The following CNBD2 variants were observed in gnomAD, a reference collection of about 807,000 sequenced individuals.
The protein encoded by CNBD2 is cyclic nucleotide binding domain containing 2.
CNBD2 carries 64 observed loss-of-function variants against 63.7 expected under a neutral mutation model. The ratio of observed to expected loss-of-function variants is 1.00; its 90% CI spans 0.82 to 1.24. The LOEUF (loss-of-function observed/expected upper bound fraction) is 1.24, where lower values mean the gene tolerates loss of function less well. Ranked by LOEUF, CNBD2 falls within the 50% of genes most tolerant of loss-of-function variation. The pLI is 0.00. For synonymous variants in CNBD2, 229 were observed against 255.4 expected (o/e 0.90, Z 0.99); for missense variants, 691 against 713.5 (o/e 0.97, Z 0.36).
intron 8 of CNBD2, among the ~76,000 whole-genome samples, chr20:35,995,967 C>T (rs1381387868): frequency 1.3e-5 from 2 of 152,142 alleles, no homozygotes; most frequent in African/African-American, 4.8e-5. Flanking sequence ...GGTGGGGACT[C>T]TTCAGAGTCC....
chr20:35,970,834 G>A (rs919862362), intron 1 of CNBD2, among the ~76,000 whole-genome samples: 1 of 152,228 alleles, frequency 6.6e-6, no homozygotes, highest in African/African-American at 2.4e-5. Flanking sequence ...TTCTGCCTCG[G>A]CCTCCCGAGT....
At chr20:35,988,128 C>T (rs1390686005) in intron 7 of CNBD2, among the ~76,000 whole-genome samples, 2 of 152,016 alleles carry the variant, frequency 1.3e-5, no homozygotes, top group Admixed American at 6.6e-5. Flanking sequence ...CCTCGGCCTC[C>T]CAAAGTGCTG....
At chr20:35,998,607 G>A (rs1234742852) in intron 8 of CNBD2, among the ~76,000 whole-genome samples, 2 of 151,900 alleles carry the variant, frequency 1.3e-5, no homozygotes, top group Non-Finnish European at 2.9e-5. Flanking sequence ...GGTGGTTCAC[G>A]CGTGTAATCC....
upstream of CNBD2, among the ~76,000 whole-genome samples, chr20:35,965,007 A>G (rs942226730): frequency 6.6e-6 from 1 of 151,968 alleles, no homozygotes; most frequent in African/African-American, 2.4e-5. Flanking sequence ...GGCCTCATAT[A>G]TCTTTCATAG....
chr20:35,971,463 T>C (rs1175913308), intron 1 of CNBD2, among the ~76,000 whole-genome samples: 1 of 152,170 alleles, frequency 6.6e-6, no homozygotes, highest in East Asian at 1.9e-4. Context: ...TCACCCAGGC[T>C]GTAGTGCAGA....
intron 8 of CNBD2, among the ~76,000 whole-genome samples, chr20:36,004,069 G>A (rs1013540171): frequency 6.6e-6 from 1 of 152,118 alleles, no homozygotes; most frequent in Non-Finnish European, 1.5e-5. Flanking sequence ...CAGAGAACAT[G>A]CCCAAGATGG....
At chr20:36,026,489 G>A (rs1426883729) in intron 11 of CNBD2, among the ~76,000 whole-genome samples, 1 of 151,994 alleles carries the variant, frequency 6.6e-6, no homozygotes, top group Non-Finnish European at 1.5e-5. Context: ...ACCTTTCAAT[G>A]GTATCTCACT....
downstream of CNBD2, chr20:35,957,665 A>G (rs1197187580): frequency 6.6e-6 from 1 of 152,212 alleles, no homozygotes; most frequent in African/African-American, 2.4e-5. Context: ...CCCTCCCAGA[A>G]GTCCCAGATT....
chr20:35,995,410 C>CT (rs1270348880), intron 8 of CNBD2, among the ~76,000 whole-genome samples: 1 of 152,040 alleles, frequency 6.6e-6, no homozygotes, highest in African/African-American at 2.4e-5. Flanking sequence ...ATCCCCCACC[C>CT]TTTTTTTCAC....
intron 7 of CNBD2, among the ~76,000 whole-genome samples, chr20:35,988,685 G>A (rs1422448068): frequency 6.6e-6 from 1 of 152,198 alleles, no homozygotes; most frequent in African/African-American, 2.4e-5. Flanking sequence ...GCCAGAGACA[G>A]AGATTGGACT....
At chr20:35,954,860 G>T (rs1001734465) in exon 1 of CNBD2, 1 of 304,590 alleles carries the variant, frequency 3.3e-6, no homozygotes, top group African/African-American at 2.3e-5. Flanking sequence ...GGGCTCGTTC[G>T]AGTGGCGCCC....
At chr20:36,019,382 G>C (rs1265907417) in intron 10 of CNBD2, among the ~76,000 whole-genome samples, 2 of 151,938 alleles carry the variant, frequency 1.3e-5, no homozygotes, top group Non-Finnish European at 2.9e-5. Flanking sequence ...AATTAGCCGG[G>C]TGTGGTGGTG....
At chr20:36,020,520 G>A (rs560767907) in intron 10 of CNBD2, among the ~76,000 whole-genome samples, 2 of 152,276 alleles carry the variant, frequency 1.3e-5, no homozygotes, top group Non-Finnish European at 2.9e-5. Flanking sequence ...TTTAGTGAGT[G>A]CTCAATAAAT....
intron 3 of CNBD2, among the ~76,000 whole-genome samples, chr20:35,976,677 C>G (rs1017931471): frequency 2.0e-5 from 3 of 152,148 alleles, no homozygotes; most frequent in African/African-American, 7.2e-5. Context: ...GAATTTCAAT[C>G]TCATCATTGT....
intron 9 of CNBD2, among the ~76,000 whole-genome samples, chr20:36,008,909 TTATTTTA>T (rs1250006080): frequency 0.035 from 5,401 of 152,256 alleles, 339 homozygotes; most frequent in African/African-American, 0.12. Context: ...ATTTTAGCTC[TTATTTTA>T]GAGGTCAAGG....
At chr20:35,982,293 T>G (rs1343541182) in intron 4 of CNBD2, among the ~76,000 whole-genome samples, 1 of 152,142 alleles carries the variant, frequency 6.6e-6, no homozygotes, top group Non-Finnish European at 1.5e-5. Context: ...GGCAGACTTT[T>G]TTTTACCCAT....
downstream of CNBD2, among the ~76,000 whole-genome samples, chr20:35,958,645 T>C (rs935455477): frequency 6.6e-6 from 1 of 152,080 alleles, no homozygotes; most frequent in Admixed American, 6.6e-5. Context: ...TGCATTTGTG[T>C]GTGTGTGTGT....
At chr20:35,999,339 TTTTC>T (rs2056866927) in intron 8 of CNBD2, among the ~76,000 whole-genome samples, 1 of 152,176 alleles carries the variant, frequency 6.6e-6, no homozygotes, top group South Asian at 2.1e-4. Context: ...ATCTTGCTAT[TTTTC>T]TTTCTATTTG....
intron 5 of CNBD2, 29 bp from the exon 6 acceptor site, chr20:35,984,598 C>T: frequency 6.2e-7 from 1 of 1,609,812 alleles, no homozygotes; most frequent in Non-Finnish European, 8.5e-7. Flanking sequence ...GGTGGCCTCA[C>T]ACTTGCCCTT....
Sources: allele counts gnomAD v4.1 joint callset (sites outside exome capture counted in the v4.1 genomes callset), GRCh38; gene constraint gnomAD v4.1.1; transcripts MANE v1.5; gene names NCBI Gene and HGNC (gene_info 2026-07-23, HGNC 2026-07-21).